The following FCHSD2 variants were observed in gnomAD, a reference collection of about 807,000 sequenced individuals.
The protein encoded by FCHSD2 is F-BAR and double SH3 domains protein 2.
A neutral mutation model predicts 108.1 loss-of-function variants in FCHSD2; 38 were observed. That is an observed-to-expected ratio of 0.35 (90% CI 0.27 to 0.46). FCHSD2 has a LOEUF of 0.46. Among genes scored for constraint, FCHSD2 ranks in the 20% least tolerant of loss-of-function variants. FCHSD2 has a pLI of 1.00. For synonymous variants in FCHSD2, 279 were observed against 314.7 expected (o/e 0.89, Z 1.20); for missense variants, 751 against 897.8 (o/e 0.84, Z 2.09).
intron 8 of FCHSD2, among the ~76,000 whole-genome samples, chr11:72,935,087 T>G (rs1407649490): frequency 2.0e-5 from 3 of 152,030 alleles, no homozygotes; most frequent in African/African-American, 7.2e-5. Flanking sequence ...CTCATAATGT[T>G]AAATACTCAA....
chr11:72,866,229 C>T (rs563454394), intron 13 of FCHSD2, among the ~76,000 whole-genome samples: 2 of 150,942 alleles, frequency 1.3e-5, no homozygotes, highest in Admixed American at 6.7e-5. Flanking sequence ...AGGAGATATT[C>T]CATGAGATGG....
At chr11:73,111,778 G>T (rs1860492364) in intron 2 of FCHSD2, among the ~76,000 whole-genome samples, 2 of 151,606 alleles carry the variant, frequency 1.3e-5, no homozygotes. Context: ...TTTGATTTGA[G>T]GTTACCACAA....
At chr11:72,881,614 T>A (rs1266121567) in intron 12 of FCHSD2, among the ~76,000 whole-genome samples, 3 of 152,210 alleles carry the variant, frequency 2.0e-5, no homozygotes, top group Non-Finnish European at 4.4e-5. Flanking sequence ...CTATTCACAG[T>A]GGCCAAGATG....
Position 73,141,891 on chromosome 11 carries a change from C to T in FCHSD2, c.-14G>A. 6.5e-7 allele frequency: 1 copy of T among 1,542,898 alleles called. No individual in the cohort carries two copies. On this transcript the variant is annotated 5_prime_UTR_variant, in exon 1 of 20. An upstream start codon of the reference 5' UTR is lost. Transcript: ENST00000409418. The stretch of plus-strand genomic sequence containing the variant: ...CGGCGGCTGCATGATGCTGAAGGGA[C>T]ATCAATCCTCCCCGACGGCAGCGTT...
At chr11:73,040,543 TC>T (rs1565380729) in intron 3 of FCHSD2, among the ~76,000 whole-genome samples, 1 of 152,158 alleles carries the variant, frequency 6.6e-6, no homozygotes, top group Admixed American at 6.5e-5. Flanking sequence ...GGTGATACCT[TC>T]CCTTGTCAAT....
chr11:72,857,211 G>C (rs995999450), intron 13 of FCHSD2, among the ~76,000 whole-genome samples: 1 of 152,172 alleles, frequency 6.6e-6, no homozygotes, highest in Non-Finnish European at 1.5e-5. Flanking sequence ...GCTTTCCAAA[G>C]CATGTCATCT....
At chr11:72,939,615 T>C (rs1052364486) in intron 8 of FCHSD2, among the ~76,000 whole-genome samples, 1 of 132,634 alleles carries the variant, frequency 7.5e-6, no homozygotes, top group Non-Finnish European at 1.6e-5. Flanking sequence ...TTTCCTTTTT[T>C]TTTTTTTTTT....
chr11:73,132,666 A>G (rs1000691545), intron 2 of FCHSD2, among the ~76,000 whole-genome samples: 23 of 152,076 alleles, frequency 1.5e-4, no homozygotes, highest in African/African-American at 5.3e-4. Context: ...CTACAAAAAA[A>G]TACAAAAATT....
intron 12 of FCHSD2, among the ~76,000 whole-genome samples, chr11:72,882,420 G>A (rs1855109764): frequency 1.4e-5 from 2 of 147,628 alleles, no homozygotes; most frequent in South Asian, 2.1e-4. Context: ...TATGGGGAAG[G>A]AGAAGAAGAG....
intron 3 of FCHSD2, among the ~76,000 whole-genome samples, chr11:73,082,471 T>C (rs1335369670): frequency 6.6e-6 from 1 of 151,696 alleles, no homozygotes; most frequent in Non-Finnish European, 1.5e-5. Context: ...AATGAATTAA[T>C]TAGTTCTGTC....
At chr11:73,042,268 C>T (rs187682577) in intron 3 of FCHSD2, among the ~76,000 whole-genome samples, 45 of 152,176 alleles carry the variant, frequency 3.0e-4, no homozygotes, top group Admixed American at 2.5e-3. Context: ...GTCATTCTTC[C>T]GCATATGGAT....
chr11:73,052,414 T>C (rs1037434486), intron 3 of FCHSD2, among the ~76,000 whole-genome samples: 2 of 152,120 alleles, frequency 1.3e-5, no homozygotes, highest in African/African-American at 4.8e-5. Flanking sequence ...AATTTTTTTT[T>C]TAAAAAAAGA....
intron 10 of FCHSD2, among the ~76,000 whole-genome samples, chr11:72,893,646 T>C (rs192537114): frequency 9.9e-5 from 15 of 152,188 alleles, no homozygotes; most frequent in Non-Finnish European, 2.1e-4. Context: ...TAAAAATGTA[T>C]TTGATACAAA....
rs570739886 is a variant in FCHSD2 at position 72,961,308 on chromosome 11, C to T, written c.705+22780G>A. 9.2e-5 allele frequency among the ~76,000 whole-genome samples: 14 copies of T among 152,196 alleles called. No homozygotes were observed. The South Asian group carries it at 2.7e-3, about 29-fold the overall frequency. On this transcript the variant is annotated intron_variant, in intron 8 of 19. Coordinates refer to ENST00000409418, the MANE Select transcript of FCHSD2 (RefSeq NM_014824.3). ...GTGGGATCATAGCTCACTATAGCCT[C>T]GAACTCCTGGGCTCAAGCAATCCTC...
chr11:72,989,117 A>T lies in FCHSD2; in HGVS notation c.388-20T>A. 6.3e-7 allele frequency: 1 copy of T among 1,587,316 alleles called. No homozygotes were observed. On this transcript the variant is annotated intron_variant, in intron 5 of 19. Transcript: ENST00000409418. The stretch of plus-strand genomic sequence containing the variant: ...CACACACTGTAAAATACAAAAGTAC[A>T]ATCATTATGATTTTAGTTTTCAGGC...
intron 4 of FCHSD2, among the ~76,000 whole-genome samples, chr11:73,006,056 AGCCACT>A (rs1857734705): frequency 6.6e-6 from 1 of 151,864 alleles, no homozygotes; most frequent in Non-Finnish European, 1.5e-5. Flanking sequence ...TACAGGCATG[AGCCACT>A]GCATGTGGCT....
intron 3 of FCHSD2, among the ~76,000 whole-genome samples, chr11:73,071,535 C>CAA (rs1038388058): frequency 1.0e-3 from 137 of 130,868 alleles, no homozygotes; most frequent in African/African-American, 3.7e-3. Context: ...ACTAAAAATA[C>CAA]AAAAAAAAAA....
intron 3 of FCHSD2, among the ~76,000 whole-genome samples, chr11:73,022,728 A>C (rs1858137886): frequency 6.6e-6 from 1 of 152,200 alleles, no homozygotes; most frequent in South Asian, 2.1e-4. Flanking sequence ...AGGTATTAGA[A>C]TAGCCAAAAT....
chr11:73,021,261 C>T (rs184871103), intron 3 of FCHSD2, among the ~76,000 whole-genome samples: 1 of 150,892 alleles, frequency 6.6e-6, no homozygotes, highest in East Asian at 1.9e-4. Context: ...GGCACACATA[C>T]GTTCACTGCA....
Sources: allele counts gnomAD v4.1 joint callset (sites outside exome capture counted in the v4.1 genomes callset), GRCh38; gene constraint gnomAD v4.1.1; transcripts MANE v1.5; gene names NCBI Gene and HGNC (gene_info 2026-07-23, HGNC 2026-07-21).